The following UTP20 variants were observed in gnomAD, a reference collection of about 807,000 sequenced individuals.
The protein encoded by UTP20 is UTP20 small subunit processome component.
A neutral mutation model predicts 329.5 loss-of-function variants in UTP20; 164 were observed. The observed-to-expected ratio is 0.50, with a 90% CI of 0.44 to 0.57. The LOEUF is 0.57. Ranked by LOEUF, UTP20 falls within the 20% of genes least tolerant of loss-of-function variation. The pLI is 0.00. For synonymous variants in UTP20, 1,151 were observed against 1,159.3 expected, an observed-to-expected ratio of 0.99 and a Z score of 0.14; for missense variants, 3,055 against 3,284.2, an observed-to-expected ratio of 0.93 and a Z score of 1.71.
chr12:101,295,651 A>G lies in UTP20; in HGVS notation c.1423A>G (p.Met475Val). Residue 475 changes from methionine to valine, a missense_variant, in exon 12 of 62, where the codon ATG becomes GTG. By Grantham distance (21) the Met-to-Val change is conservative. This residue lies in a region of UTP20 where 2,445 missense variants were observed against 2,575.5 expected (regional missense o/e 0.95). Transcript: ENST00000261637. ...GTACCCTCTGGTTTTCTCACCGCAG[A>G]TGGTGGGGTGAGTTCTAACTTTTTA... Reference protein sequence around the residue: ...EKYPLVFSPQMVGFYIKQKKT... With the variant: ...EKYPLVFSPQVVGFYIKQKKT... 6.2e-7 allele frequency: 1 copy of G among 1,601,994 alleles called. No homozygotes were observed. The highest frequency in any genetic ancestry group is 8.5e-7 in the Non-Finnish European group (1 of 1,172,096).
At chr12:101,305,474 T>C (rs1872621467) in intron 15 of UTP20, among the ~76,000 whole-genome samples, 1 of 150,258 alleles carries the variant, frequency 6.7e-6, no homozygotes, top group Admixed American at 6.7e-5. Context: ...GTCAGACTAC[T>C]CCTCTCTACT....
At chr12:101,341,558 A>G (rs1001111697) in intron 32 of UTP20, among the ~76,000 whole-genome samples, 1 of 152,216 alleles carries the variant, frequency 6.6e-6, no homozygotes, top group Non-Finnish European at 1.5e-5. Context: ...TGTGGATTCA[A>G]CCAATCATAG....
In UTP20 at chr12:101,373,303, G is replaced by A. The variant is rs3765073; in HGVS notation, c.6879-98G>A. ...AACAGAGCATTTTCCATTTTTTTAA[G>A]AAGTAAACTGACACCTTGATACAAT... is the stretch of plus-strand genomic sequence containing the variant. On this transcript the variant is annotated intron_variant, in intron 52 of 61. Coordinates refer to ENST00000261637, the MANE Select transcript of UTP20 (RefSeq NM_014503.3). The A allele has an allele frequency of 1.3e-4, 151 of 1,190,532 alleles. No homozygotes were observed. The East Asian group carries it at 3.9e-3, about 30-fold the overall frequency. 73.7% of individuals were successfully genotyped at this position (1,190,532 alleles called of 1,614,324 possible). A position where few individuals can be genotyped will look rare whatever the true frequency, so the allele number is the denominator to read the frequency against.
At chr12:101,285,433 C>T (rs1195802486) in intron 2 of UTP20, 137 bp from the exon 3 acceptor site, 3 of 844,838 alleles carry the variant, frequency 3.6e-6, no homozygotes, top group Admixed American at 2.8e-5. Flanking sequence ...ACTTAATGGC[C>T]TGTTTTAAAA....
intron 57 of UTP20, among the ~76,000 whole-genome samples, chr12:101,379,809 T>A (rs1641747510): frequency 6.6e-6 from 1 of 152,030 alleles, no homozygotes; most frequent in Non-Finnish European, 1.5e-5. Context: ...CATCTTCCAT[T>A]ATATGTTTAA....
intron 35 of UTP20, among the ~76,000 whole-genome samples, chr12:101,344,094 A>G (rs1479738886): frequency 6.7e-6 from 1 of 149,614 alleles, no homozygotes; most frequent in African/African-American, 2.6e-5. Context: ...TAATATATGA[A>G]AAAATAATCT....
At chr12:101,290,664 G>A (rs1872112475) in intron 7 of UTP20, 69 bp from the exon 8 acceptor site, 1 of 1,484,262 alleles carries the variant, frequency 6.7e-7, no homozygotes, top group Admixed American at 2.2e-5. Flanking sequence ...TAATCAGAGT[G>A]GTGACTCCCA....
chr12:101,366,429 G>T, intron 46 of UTP20, 129 bp from the exon 47 acceptor site: 1 of 1,155,122 alleles, frequency 8.7e-7, no homozygotes, highest in African/African-American at 1.5e-5. Context: ...GGTTTGGGGA[G>T]GGGCAAAACC....
Position 101,340,489 on chromosome 12 carries a change from A to G in UTP20, c.4014-34A>G, listed in dbSNP as rs370422960. 1.4e-3 allele frequency: 1,846 copies of G among 1,320,324 alleles called. 2 individuals are homozygous for G. The highest frequency in any genetic ancestry group is 1.8e-3 in the Non-Finnish European group (1,713 of 928,314). 81.8% of individuals were successfully genotyped at this position (1,320,324 alleles called of 1,614,324 possible). ...ACTTCTTAGAGAAATATCCTTGTAT[A>G]TGTTCCTTATATATCCGTTTTTTCC... is the stretch of plus-strand genomic sequence containing the variant. On this transcript the variant is annotated intron_variant, in intron 31 of 61. Coordinates refer to ENST00000261637, the MANE Select transcript of UTP20 (RefSeq NM_014503.3).
At chr12:101,343,478 C>T (rs1869216089) in intron 35 of UTP20, among the ~76,000 whole-genome samples, 1 of 152,122 alleles carries the variant, frequency 6.6e-6, no homozygotes, top group Non-Finnish European at 1.5e-5. Flanking sequence ...GTGATGATCA[C>T]ACAACCTCGT....
At chr12:101,325,370 T>C (rs1478023192) in intron 25 of UTP20, among the ~76,000 whole-genome samples, 3 of 152,256 alleles carry the variant, frequency 2.0e-5, no homozygotes, top group Non-Finnish European at 2.9e-5. Context: ...CCTCTGCTGC[T>C]GGCCAAAAGT....
Position 101,286,653 on chromosome 12 carries a change from T to G in UTP20, c.515+144T>G. 4.8e-6 allele frequency: 3 copies of G among 621,070 alleles called. No homozygotes were observed. In the Admixed American group the frequency reaches 1.1e-4, roughly 22 times the overall value. 38.5% of individuals were successfully genotyped at this position (621,070 alleles called of 1,614,324 possible). ...ATTCTCCAGCCAAAGTGGTCCACAA[T>G]CTAGTCTGCCAGTCTGAGTTGCCAT... is the stretch of plus-strand genomic sequence containing the variant. On this transcript the variant is annotated intron_variant, in intron 5 of 61. Transcript: ENST00000261637.
intron 27 of UTP20, among the ~76,000 whole-genome samples, chr12:101,331,761 G>A (rs1868768504): frequency 6.6e-6 from 1 of 152,062 alleles, no homozygotes. Flanking sequence ...ATTGCAAGGT[G>A]GCTTTTAGGT....
chr12:101,307,549 G>A (rs993950097), intron 17 of UTP20, among the ~76,000 whole-genome samples: 17 of 152,022 alleles, frequency 1.1e-4, no homozygotes, highest in Non-Finnish European at 2.1e-4. Context: ...GCTAATTTTT[G>A]TATTGTTAGT....
In UTP20 at chr12:101,302,679, A is replaced by T. The variant is rs1872551968; in HGVS notation, c.1781+126A>T. The T allele has an allele frequency of 8.6e-6, 5 of 582,116 alleles. No individual in the cohort carries two copies. The South Asian group carries it at 1.3e-4, about 15-fold the overall frequency. The allele number at this position is 582,116 out of a possible 1,614,324, so 36.1% of individuals were successfully genotyped here. A position where few individuals can be genotyped will look rare whatever the true frequency, so the allele number is the denominator to read the frequency against. On this transcript the variant is annotated intron_variant, in intron 15 of 61. Transcript: ENST00000261637. ...ATACCTGAGTTGTATTCACGTAGTG[A>T]AATTTAATATTGATTTAGATCCTCC...
intron 43 of UTP20, among the ~76,000 whole-genome samples, chr12:101,359,489 GTA>G (rs1555202036): frequency 9.0e-5 from 12 of 133,008 alleles, no homozygotes; most frequent in African/African-American, 3.5e-4. Flanking sequence ...GTGTGTGTAT[GTA>G]TGTGTGTGTG....
At chr12:101,332,279 G>A (rs941699776) in intron 27 of UTP20, among the ~76,000 whole-genome samples, 1 of 152,216 alleles carries the variant, frequency 6.6e-6, no homozygotes, top group Non-Finnish European at 1.5e-5. Context: ...GGAGGTTGCG[G>A]TGAGCCCAGA....
At position 101,290,733 on chromosome 12, in the gene UTP20, G is replaced by A. The variant is rs753739452; in HGVS notation, c.736G>A (p.Ala246Thr). 5 of 1,604,942 alleles carry A rather than the reference G, an allele frequency of 3.1e-6. No individual in the cohort carries two copies. Among genetic ancestry groups the A allele is most frequent in the Non-Finnish European group, 4.2e-6 (5 of 1,177,398 alleles). Residue 246 changes from alanine to threonine, a missense_variant and splice_region_variant, in exon 8 of 62, where the codon GCA becomes ACA. Around this residue, in one of 3 missense-constraint regions of UTP20, gnomAD observed 2,445 missense variants for 2,575.5 expected, o/e 0.95. Transcript: ENST00000261637. The part of the protein sequence containing the change: ...RNMFHSCTGQ[A>T]VKLILRKLGP... The stretch of plus-strand genomic sequence containing the variant: ...ATGTTAATGACTTGTATTCCCACAG[G>A]CAGTGAAGCTAATTTTGCGAAAGCT...
At chr12:101,305,888 T>G in intron 15 of UTP20, 27 bp from the exon 16 acceptor site, 1 of 1,571,990 alleles carries the variant, frequency 6.4e-7, no homozygotes, top group Non-Finnish European at 8.7e-7. Context: ...ATGGTACAGT[T>G]TGGGTCTAAT....
Sources: allele counts gnomAD v4.1 joint callset (sites outside exome capture counted in the v4.1 genomes callset), GRCh38; gene constraint gnomAD v4.1.1; regional missense constraint gnomAD v4.1.1; transcripts MANE v1.5; gene names NCBI Gene and HGNC (gene_info 2026-07-23, HGNC 2026-07-21).